Variants in CCDC171 observed in about 807,000 individuals in gnomAD.
CCDC171 encodes coiled-coil domain-containing protein 171.
A neutral mutation model predicts 168.2 loss-of-function variants in CCDC171; 177 were observed. The ratio of observed to expected loss-of-function variants is 1.05; its 90% CI spans 0.93 to 1.19. The LOEUF (loss-of-function observed/expected upper bound fraction) is 1.19. Ranked by LOEUF, CCDC171 falls within the 50% of genes most tolerant of loss-of-function variation. CCDC171 has a pLI of 0.00. For missense variants in CCDC171, 1,991 were observed against 1,539.0 expected (o/e 1.29, Z -4.91); for synonymous variants, 687 against 540.8 (o/e 1.27, Z -3.75).
Position 15,823,563 on chromosome 9 carries a change from C to A in CCDC171, c.3268-23139C>A, listed in dbSNP as rs952412302. On this transcript the variant is annotated intron_variant, in intron 21 of 25. Coordinates refer to ENST00000380701, the MANE Select transcript of CCDC171 (RefSeq NM_173550.4). ...TTAACAGTCACAACATGTTAAGATACATAATATTGCTTACATTGTATAAAC... is the reference window on the plus strand; with the variant it reads ...TTAACAGTCACAACATGTTAAGATAAATAATATTGCTTACATTGTATAAAC... Among the ~76,000 whole-genome samples, 5 of 152,110 alleles carry A rather than the reference C, an allele frequency of 3.3e-5. No homozygotes were observed. In the East Asian group the frequency reaches 7.7e-4, roughly 24 times the overall value.
intron 7 of CCDC171, among the ~76,000 whole-genome samples, chr9:15,633,524 A>G (rs1399826275): frequency 6.6e-6 from 1 of 152,190 alleles, no homozygotes; most frequent in Non-Finnish European, 1.5e-5. Context: ...TCAGGAAACA[A>G]CAGGTGCTGG....
chr9:16,024,037 A>G (rs1028157118), intron 6 of CCDC171, among the ~76,000 whole-genome samples: 61 of 152,264 alleles, frequency 4.0e-4, no homozygotes, highest in African/African-American at 1.4e-3. Flanking sequence ...TGAGGGAAGC[A>G]GAGGTCAGCG....
At position 15,605,521 on chromosome 9, in the gene CCDC171, A is replaced by AC. The variant is rs1382759610; in HGVS notation, c.675+11349_675+11350insC. Among the ~76,000 whole-genome samples the AC allele has an allele frequency of 3.4e-3, 514 of 149,132 alleles. 1 individual carries two copies. The highest frequency in any genetic ancestry group is 5.4e-3 in the Non-Finnish European group (365 of 67,072). The stretch of plus-strand genomic sequence containing the variant: ...TGTGAAACCCTGTCTCTACTAAAAA[A>AC]AAAAAAAAAAAAAAAATTAGCCGGG... On this transcript the variant is annotated intron_variant, in intron 6 of 25. Coordinates refer to ENST00000380701, the MANE Select transcript of CCDC171 (RefSeq NM_173550.4).
chr9:16,024,145 T>A (rs1050295632), intron 6 of CCDC171, among the ~76,000 whole-genome samples: 3 of 152,058 alleles, frequency 2.0e-5, no homozygotes, highest in African/African-American at 7.2e-5. Flanking sequence ...CCCAAAGGAA[T>A]GCAGCTCTGT....
At chr9:15,655,158 T>G (rs2047829590) in intron 7 of CCDC171, among the ~76,000 whole-genome samples, 1 of 135,684 alleles carries the variant, frequency 7.4e-6, no homozygotes, top group Non-Finnish European at 1.6e-5. Context: ...ATTGTTCACA[T>G]GCACCCTCAA....
At chr9:16,103,948 G>T in the CCDC171 span, among the ~76,000 whole-genome samples, 1 of 152,154 alleles carries the variant, frequency 6.6e-6, no homozygotes, top group African/African-American at 2.4e-5. Context: ...TCAATTTACA[G>T]CTCATAAGGT....
At chr9:15,970,805 G>A (rs1831278170) in intron 25 of CCDC171, among the ~76,000 whole-genome samples, 2 of 152,112 alleles carry the variant, frequency 1.3e-5, no homozygotes, top group South Asian at 4.1e-4. Context: ...TATCAAAACA[G>A]GGTGGTATCA....
chr9:15,932,647 T>G (rs989612070), intron 25 of CCDC171, among the ~76,000 whole-genome samples: 4 of 151,990 alleles, frequency 2.6e-5, no homozygotes, highest in African/African-American at 4.8e-5. Flanking sequence ...CAGTACTATG[T>G]TGAATAGAAG....
intron 25 of CCDC171, among the ~76,000 whole-genome samples, chr9:15,946,619 C>G (rs2132384894): frequency 6.6e-6 from 1 of 152,054 alleles, no homozygotes; most frequent in Non-Finnish European, 1.5e-5. Flanking sequence ...ACATTCAATG[C>G]CATCCCCATC....
At chr9:15,567,161 A>G (rs2039812730) in intron 2 of CCDC171, among the ~76,000 whole-genome samples, 1 of 151,476 alleles carries the variant, frequency 6.6e-6, no homozygotes, top group Non-Finnish European at 1.5e-5. Context: ...AGCTGGGATT[A>G]CAGGCACCTG....
At chr9:15,644,978 T>C (rs2046920639) in intron 7 of CCDC171, among the ~76,000 whole-genome samples, 1 of 152,232 alleles carries the variant, frequency 6.6e-6, no homozygotes, top group South Asian at 2.1e-4. Context: ...GTAGCCTACC[T>C]GGGAGGCATC....
At chr9:15,698,383 T>C (rs1328552900) in intron 11 of CCDC171, among the ~76,000 whole-genome samples, 2 of 151,908 alleles carry the variant, frequency 1.3e-5, no homozygotes, top group Non-Finnish European at 2.9e-5. Flanking sequence ...TAGCCAGGCG[T>C]GGTGGCGGGT....
chr9:15,695,170 C>A, intron 10 of CCDC171, 65 bp from the exon 11 acceptor site: 2 of 982,486 alleles, frequency 2.0e-6, no homozygotes, highest in Non-Finnish European at 3.3e-6. Flanking sequence ...TATATATGTT[C>A]ACACTAAAAA....
chr9:16,001,365 C>G (rs1175123978), intron 3 of CCDC171, among the ~76,000 whole-genome samples: 1 of 152,022 alleles, frequency 6.6e-6, no homozygotes, highest in East Asian at 1.9e-4. Context: ...TTCCTCTATA[C>G]TTTGCCCAAG....
At chr9:15,609,202 C>T (rs1457589025) in intron 6 of CCDC171, among the ~76,000 whole-genome samples, 2 of 151,508 alleles carry the variant, frequency 1.3e-5, no homozygotes, top group Non-Finnish European at 2.9e-5. Flanking sequence ...CGGGTTCAAG[C>T]GATTCTCCTG....
At chr9:15,879,612 C>A (rs1232224683) in intron 24 of CCDC171, among the ~76,000 whole-genome samples, 1 of 151,974 alleles carries the variant, frequency 6.6e-6, no homozygotes, top group Non-Finnish European at 1.5e-5. Context: ...TTTTTTAAAC[C>A]TAATAACATA....
At chr9:15,913,093 G>T (rs1823953255) in intron 24 of CCDC171, among the ~76,000 whole-genome samples, 2 of 152,168 alleles carry the variant, frequency 1.3e-5, no homozygotes, top group Admixed American at 6.5e-5. Context: ...CTCTTGTTTG[G>T]AATAGTTTCA....
chr9:15,945,450 G>A (rs377086626), intron 25 of CCDC171, among the ~76,000 whole-genome samples: 32 of 151,420 alleles, frequency 2.1e-4, no homozygotes, highest in South Asian at 4.2e-4. Context: ...CTGAGGAATC[G>A]CCACACTGAC....
chr9:15,807,167 A>C lies in CCDC171; in HGVS notation c.3267+22473A>C, dbSNP rs1370923641. Among the ~76,000 whole-genome samples the C allele has an allele frequency of 5.3e-5, 8 of 152,148 alleles. No homozygotes were observed. In the East Asian group the frequency reaches 1.3e-3, roughly 26 times the overall value. ...TTGGATTGCTTATGCCATTTTCTTC[A>C]ATCTCAATGATCTTTGTTCCTATCC... On this transcript the variant is annotated intron_variant, in intron 21 of 25. Coordinates refer to ENST00000380701, the MANE Select transcript of CCDC171 (RefSeq NM_173550.4).
Sources: gnomAD v4.1 joint callset for allele counts (sites outside exome capture counted in the v4.1 genomes callset) on GRCh38, gnomAD v4.1.1 for gene constraint, MANE v1.5 for transcripts, NCBI Gene and HGNC (gene_info 2026-07-23, HGNC 2026-07-21) for gene names.